The following HLCS variants were observed in gnomAD, a reference collection of about 807,000 sequenced individuals.
HLCS encodes holocarboxylase synthetase, also known as biotin--protein ligase.
In HLCS, 53 loss-of-function variants were observed where a neutral mutation model predicts 75.0. The observed-to-expected ratio is 0.71, with a 90% confidence interval of 0.57 to 0.89. The LOEUF is 0.89. HLCS is among the 40% of genes least tolerant of loss of function. The pLI is 0.00. For missense variants in HLCS, 966 were observed against 1,074.0 expected (o/e 0.90, Z 1.41); for synonymous variants, 431 against 428.6 (o/e 1.01, Z -0.07).
At chr21:36,832,487 C>T (rs1324889428) in intron 6 of HLCS, among the ~76,000 whole-genome samples, 1 of 152,228 alleles carries the variant, frequency 6.6e-6, no homozygotes, top group Non-Finnish European at 1.5e-5. Flanking sequence ...AGCTTCCCGA[C>T]CTCACTCACA....
intron 1 of HLCS, among the ~76,000 whole-genome samples, chr21:36,982,053 G>T (rs1285314589): frequency 6.6e-6 from 1 of 152,122 alleles, no homozygotes; most frequent in African/African-American, 2.4e-5. Flanking sequence ...CACAAGAGCT[G>T]AGGCTAGGTA....
chr21:36,936,369 T>A (rs1273047722), intron 4 of HLCS, 80 bp downstream of exon 4: 5 of 1,245,560 alleles, frequency 4.0e-6, no homozygotes, highest in Admixed American at 3.4e-5. Context: ...CTTTTAAGCG[T>A]GTACCTTTAA....
chr21:36,865,416 G>A (rs558853367), intron 6 of HLCS, among the ~76,000 whole-genome samples: 3 of 151,954 alleles, frequency 2.0e-5, no homozygotes, highest in African/African-American at 7.2e-5. Flanking sequence ...GATGAAAAAT[G>A]TTAGAAAATG....
intron 6 of HLCS, among the ~76,000 whole-genome samples, chr21:36,884,736 G>A (rs1410124967): frequency 6.6e-6 from 1 of 152,092 alleles, no homozygotes; most frequent in Admixed American, 6.5e-5. Flanking sequence ...TAAAACAGAG[G>A]CATTTGACAA....
At chr21:36,947,998 T>C (rs2067483852) in intron 2 of HLCS, 1 of 985,286 alleles carries the variant, frequency 1.0e-6, no homozygotes, top group Non-Finnish European at 1.2e-6. Context: ...GGTAAAGAAT[T>C]TGAAAATACA....
At chr21:36,871,088 GC>G (rs2063753596) in intron 6 of HLCS, among the ~76,000 whole-genome samples, 1 of 152,184 alleles carries the variant, frequency 6.6e-6, no homozygotes, top group African/African-American at 2.4e-5. Context: ...CGTGTGCCCA[GC>G]AGGGAGCCTC....
chr21:36,891,426 G>C (rs149045406), intron 6 of HLCS, among the ~76,000 whole-genome samples: 1 of 152,152 alleles, frequency 6.6e-6, no homozygotes, highest in Non-Finnish European at 1.5e-5. Flanking sequence ...CCTAGGAACC[G>C]GTACCTGAAC....
rs2089310186 is a variant in HLCS, at chr21:36,749,696, T to C, written c.*4550A>G. On this transcript the variant is annotated 3_prime_UTR_variant, in exon 11 of 11. Coordinates refer to ENST00000674895, the MANE Select transcript of HLCS (RefSeq NM_001352514.2). The stretch of plus-strand genomic sequence containing the variant: ...ATAAGCCGAGGGTATTATTTTTTTA[T>C]GTTCATGAGTCTTGTAATTAAACCG... 1 of 152,218 alleles carries C rather than the reference T, an allele frequency of 6.6e-6. No homozygotes were observed. 9.4% of individuals were successfully genotyped at this position (152,218 alleles called of 1,614,324 possible).
chr21:36,865,217 TA>T lies in HLCS; in HGVS notation c.1892+31642del, dbSNP rs2063515396. ...CTCAGGCAAGAGTCCACGTGGAGGCTAAGGGTCTGAAAACTCCACCACTCCC... is the reference window on the plus strand; with the variant it reads ...CTCAGGCAAGAGTCCACGTGGAGGCTAGGGTCTGAAAACTCCACCACTCCC... On this transcript the variant is annotated intron_variant, in intron 6 of 10. Transcript: ENST00000674895. Among the ~76,000 whole-genome samples, 8 of 151,992 alleles carry T rather than the reference TA, an allele frequency of 5.3e-5. No individual in the cohort carries two copies. In the South Asian group the frequency reaches 1.7e-3, roughly 32 times the overall value.
At chr21:36,926,519 G>C (rs1296208383) in intron 5 of HLCS, among the ~76,000 whole-genome samples, 2 of 152,088 alleles carry the variant, frequency 1.3e-5, no homozygotes, top group Admixed American at 1.3e-4. Flanking sequence ...TTTGTTTTTA[G>C]TTTTTAATAA....
At chr21:36,985,278 C>T (rs747680815) in intron 1 of HLCS, among the ~76,000 whole-genome samples, 4 of 152,260 alleles carry the variant, frequency 2.6e-5, no homozygotes, top group Non-Finnish European at 5.9e-5. Flanking sequence ...GCTGCCATGT[C>T]TCTTTATTCC....
At chr21:36,868,815 T>C (rs1222527012) in intron 6 of HLCS, among the ~76,000 whole-genome samples, 3 of 152,132 alleles carry the variant, frequency 2.0e-5, no homozygotes, top group Non-Finnish European at 2.9e-5. Flanking sequence ...GTTGTCCCCA[T>C]CTCAGGGTCT....
Position 36,916,121 on chromosome 21 carries a change from T to A in HLCS, c.1620+14130A>T, listed in dbSNP as rs530356824. Among the ~76,000 whole-genome samples, 12 of 151,918 alleles carry A rather than the reference T, an allele frequency of 7.9e-5. 1 individual carries two copies. The South Asian group carries it at 2.5e-3, about 32-fold the overall frequency. The stretch of plus-strand genomic sequence containing the variant: ...GATATTTATACAAATAATACAACAA[T>A]AGCACTTATACAAACCACCTAAAAA... On this transcript the variant is annotated intron_variant, in intron 5 of 10. Coordinates refer to ENST00000674895, the MANE Select transcript of HLCS (RefSeq NM_001352514.2).
At chr21:36,825,317 G>A (rs2061972579) in intron 6 of HLCS, among the ~76,000 whole-genome samples, 1 of 152,074 alleles carries the variant, frequency 6.6e-6, no homozygotes, top group African/African-American at 2.4e-5. Context: ...GAGCCTAGAA[G>A]GTCACAGCTG....
chr21:36,917,999 TAA>T (rs2066004984), intron 5 of HLCS, among the ~76,000 whole-genome samples: 1 of 146,458 alleles, frequency 6.8e-6, no homozygotes, highest in Non-Finnish European at 1.5e-5. Flanking sequence ...GAAAAATAAA[TAA>T]AGAGAACTGT....
At chr21:36,964,259 T>C (rs982701861) in intron 1 of HLCS, among the ~76,000 whole-genome samples, 1 of 152,174 alleles carries the variant, frequency 6.6e-6, no homozygotes, top group African/African-American at 2.4e-5. Flanking sequence ...TGTCCTTATT[T>C]CAGCCCAAGT....
In HLCS at chr21:36,771,770, G is replaced by A. The variant is rs530818964; in HGVS notation, c.1893-4485C>T. Among the ~76,000 whole-genome samples the A allele has an allele frequency of 1.4e-3, 207 of 152,222 alleles. 2 individuals are homozygous for A. The highest frequency in any genetic ancestry group is 5.2e-3 in the Admixed American group (79 of 15,280). The stretch of plus-strand genomic sequence containing the variant: ...TCCCAGCACTTTGGGAGGCCGAGAC[G>A]GGCAGATCACTTGAGGTCAGGAGTT... On this transcript the variant is annotated intron_variant, in intron 6 of 10. Coordinates refer to ENST00000674895, the MANE Select transcript of HLCS (RefSeq NM_001352514.2).
chr21:36,972,418 G>A (rs1021886235), intron 1 of HLCS, among the ~76,000 whole-genome samples: 1 of 152,140 alleles, frequency 6.6e-6, no homozygotes, highest in African/African-American at 2.4e-5. Context: ...CCAAAGCATT[G>A]GGATTACAGG....
At chr21:36,756,409 C>A in intron 10 of HLCS, 133 bp downstream of exon 10, 1 of 605,566 alleles carries the variant, frequency 1.7e-6, no homozygotes, top group Non-Finnish European at 2.7e-6. Context: ...CAAGATCGTG[C>A]CACTGCACTC....
Sources: allele counts gnomAD v4.1 joint callset (sites outside exome capture counted in the v4.1 genomes callset), GRCh38; gene constraint gnomAD v4.1.1; transcripts MANE v1.5; gene names NCBI Gene and HGNC (gene_info 2026-07-23, HGNC 2026-07-21).